Variants in PRX observed in about 807,000 individuals in gnomAD.
PRX encodes periaxin.
In PRX, 24 loss-of-function variants were observed where a neutral mutation model predicts 29.6. The ratio of observed to expected loss-of-function variants is 0.81; its 90% confidence interval spans 0.59 to 1.14. The LOEUF is 1.14. Among genes scored for constraint, PRX ranks in the 50% most tolerant of loss-of-function variants. The pLI is 0.00. For missense variants in PRX, 1,838 were observed against 1,926.4 expected (o/e 0.95, Z 0.86); for synonymous variants, 772 against 831.7 (o/e 0.93, Z 1.24).
rs372473354 is a variant in PRX, at chr19:40,396,092, G to A, written c.2260C>T (p.Arg754Trp). ...EVQLPKVSEI[R>W]LPEMQVPKVP... ...TTCGGCACTTGCATTTCCGGCAGCC[G>A]AATCTCTGACACTTTCGGCAGCTGC... Residue 754 changes from arginine (R) to tryptophan (W), a missense_variant, in exon 7 of 7, where the codon CGG becomes TGG. Coordinates refer to ENST00000324001, the MANE Select transcript of PRX (RefSeq NM_181882.3). 18 of 1,614,094 alleles carry A rather than the reference G, an allele frequency of 1.1e-5. No individual in the cohort carries two copies. The highest frequency in any genetic ancestry group is 5.3e-5 in the African/African-American group (4 of 74,936).
upstream of PRX, among the ~76,000 whole-genome samples, chr19:40,414,309 TG>T (rs2079571766): frequency 6.6e-6 from 1 of 152,050 alleles, no homozygotes; most frequent in Admixed American, 6.6e-5. Flanking sequence ...TTTTTTGTAA[TG>T]GCAAAGTTTC....
chr19:40,410,347 A>G (rs2079552911), intron 1 of PRX, among the ~76,000 whole-genome samples: 1 of 152,060 alleles, frequency 6.6e-6, no homozygotes, highest in Non-Finnish European at 1.5e-5. Flanking sequence ...GCTCAGTTGC[A>G]TTCCGCCCCT....
chr19:40,397,479 C>G lies in PRX; in HGVS notation c.873G>C (p.Gln291His), dbSNP rs2079451592. Residue 291 changes from glutamine to histidine, a missense_variant, in exon 7 of 7, where the codon CAG becomes CAC. Gln to His is a conservative substitution (Grantham distance 24). Coordinates refer to ENST00000324001, the MANE Select transcript of PRX (RefSeq NM_181882.3). ...AGGCAGGCAGCTCCACCTGGGGGAC[C>G]TGGATTCCCACGGCTGGGGCCTCCA... is the stretch of plus-strand genomic sequence containing the variant. ...PAVEAPAVGI[Q>H]VPQVELPALP... The G allele has an allele frequency of 6.4e-7, 1 of 1,568,924 alleles. No individual in the cohort carries two copies.
Position 40,413,371 on chromosome 19 carries a change from TC to T in PRX, c.-277del, listed in dbSNP as rs1301056987. 6.6e-6 allele frequency: 1 copy of T among 151,874 alleles called. No individual in the cohort carries two copies. Among genetic ancestry groups the T allele is most frequent in the African/African-American group, 2.4e-5 (1 of 41,274 alleles). 9.4% of individuals were successfully genotyped at this position (151,874 alleles called of 1,614,324 possible). On this transcript the variant is annotated 5_prime_UTR_variant, in exon 1 of 7. Transcript: ENST00000324001. ...CTCCAGACACCTCGAGAGCTCCTGG[TC>T]CCGTCTGTCAGCCCTAGCCCTAGGC...
chr19:40,399,903 C>CTTTCTTT (rs1286484666), intron 5 of PRX, among the ~76,000 whole-genome samples: 1 of 60,292 alleles, frequency 1.7e-5, no homozygotes. Flanking sequence ...TTCTTTCTTT[C>CTTTCTTT]TTTTTCTTTC....
chr19:40,394,833 T>G lies in PRX; in HGVS notation c.3519A>C (p.Thr1173=), dbSNP rs567285703. ...CTGCTGTGCCCTCTGCTGAAGGGACTGTACTCTGAGCCTGCTGCCCTGGGG... is the reference window on the plus strand; with the variant it reads ...CTGCTGTGCCCTCTGCTGAAGGGACGGTACTCTGAGCCTGCTGCCCTGGGG... ...AGTPGQQAQS[T]VPSAEGTAGY... is the part of the protein sequence containing the mutation. Residue 1173 remains threonine (T), a synonymous_variant, in exon 7 of 7, where the codon ACA becomes ACC. Transcript: ENST00000324001. This position sits in a 1 kb window ranked among gnomAD's most constrained non-coding sequence, Gnocchi z 5.8. The G allele has an allele frequency of 3.4e-5, 55 of 1,613,132 alleles. No individual in the cohort carries two copies. Among genetic ancestry groups the G allele is most frequent in the South Asian group, 2.0e-4 (18 of 91,090 alleles).
intron 4 of PRX, among the ~76,000 whole-genome samples, chr19:40,406,247 C>CAA (rs112824640): frequency 5.0e-4 from 44 of 88,800 alleles, no homozygotes; most frequent in African/African-American, 1.5e-3. Flanking sequence ...GAATCCGTCT[C>CAA]AAAAAAAAAA....
At position 40,398,673 on chromosome 19, in the gene PRX, C is replaced by T; in HGVS notation, c.328G>A (p.Gly110Arg). The T allele has an allele frequency of 1.2e-6, 2 of 1,613,968 alleles. No individual in the cohort carries two copies. The highest frequency in any genetic ancestry group is 2.2e-5 in the East Asian group (1 of 44,878). ...TTGATCTCGTAGCCAGACACGGTCC[C>T]GGGCCGCAGAGCCAGGTCCCCGGTG... ...VPTGDLALRP[G>R]TVSGYEIKGP... is the part of the protein sequence containing the mutation. The change falls in exon 6 of 7, where the codon GGG becomes AGG. Residue 110 changes from glycine (G) to arginine (R), a missense_variant. Transcript: ENST00000324001. The surrounding 1 kb of genome is among the most constrained non-coding windows in gnomAD (Gnocchi z 6.3).
intron 1 of PRX, among the ~76,000 whole-genome samples, chr19:40,412,428 G>A (rs2079562661): frequency 6.6e-6 from 1 of 152,132 alleles, no homozygotes; most frequent in Non-Finnish European, 1.5e-5. Flanking sequence ...ATTTGTGAGA[G>A]AACAGCAGGT....
chr19:40,414,588 T>C (rs547380722), upstream of PRX, among the ~76,000 whole-genome samples: 2 of 152,220 alleles, frequency 1.3e-5, no homozygotes, highest in South Asian at 4.1e-4. Context: ...TAGCAGGTCA[T>C]TGGCAGGGGT....
rs373698395 is a variant in PRX at position 40,395,586 on chromosome 19, C to T, written c.2766G>A (p.Glu922=). The T allele has an allele frequency of 6.2e-7, 1 of 1,614,098 alleles. No individual in the cohort carries two copies. Among genetic ancestry groups the T allele is most frequent in the African/African-American group, 1.3e-5 (1 of 74,938 alleles). The part of the protein sequence containing the change: ...EIEEGRLEMI[E]TKVKPSSKFS... Reference sequence around the variant, plus strand: ...ACTTGGAAGAGGGCTTGACTTTTGTCTCTATCATCTCCAGCCGCCCTTCCT... The same window carrying T: ...ACTTGGAAGAGGGCTTGACTTTTGTTTCTATCATCTCCAGCCGCCCTTCCT... The change falls in exon 7 of 7, where the codon GAG becomes GAA. Residue 922 remains glutamate (E), a synonymous_variant. Transcript: ENST00000324001.
intron 1 of PRX, among the ~76,000 whole-genome samples, chr19:40,409,779 A>G (rs2079550479): frequency 6.6e-6 from 1 of 152,120 alleles, no homozygotes; most frequent in East Asian, 1.9e-4. Context: ...TCAGGCCATT[A>G]TTATTACTAA....
In PRX at chr19:40,398,156, T is replaced by G; in HGVS notation, c.382-186A>C. On this transcript the variant is annotated intron_variant, in intron 6 of 6. Transcript: ENST00000324001. The surrounding 1 kb of genome is among the most constrained non-coding windows in gnomAD (Gnocchi z 6.3). ...GTGCCCAGGAAAGCAGGCAGCCATCTAGGATCTCCAAATGAGTCAACAGGA... is the reference window on the plus strand; with the variant it reads ...GTGCCCAGGAAAGCAGGCAGCCATCGAGGATCTCCAAATGAGTCAACAGGA... 1 of 1,432,644 alleles carries G rather than the reference T, an allele frequency of 7.0e-7. No individual in the cohort carries two copies. Among genetic ancestry groups the G allele is most frequent in the African/African-American group, 1.4e-5 (1 of 69,702 alleles). 88.7% of individuals were successfully genotyped at this position (1,432,644 alleles called of 1,614,324 possible). A position where few individuals can be genotyped will look rare whatever the true frequency, so the allele number is the denominator to read the frequency against.
chr19:40,402,435 A>G (rs1310861951), intron 5 of PRX, among the ~76,000 whole-genome samples: 2 of 152,112 alleles, frequency 1.3e-5, no homozygotes, highest in African/African-American at 2.4e-5. Flanking sequence ...TGTAGCACTT[A>G]CTGCTTTCTA....
intron 5 of PRX, among the ~76,000 whole-genome samples, chr19:40,400,980 C>T (rs1377130589): frequency 1.3e-5 from 2 of 152,188 alleles, no homozygotes; most frequent in African/African-American, 4.8e-5. Context: ...CACACCACAC[C>T]TCTCCTTTAA....
At chr19:40,404,744 ATTTTT>A (rs542849073) in intron 4 of PRX, among the ~76,000 whole-genome samples, 6 of 149,318 alleles carry the variant, frequency 4.0e-5, no homozygotes, top group African/African-American at 1.5e-4. Context: ...CTAATTTTTA[ATTTTT>A]TTTTTAAGAG....
chr19:40,397,341 C>T lies in PRX; in HGVS notation c.1011G>A (p.Leu337=). Reference sequence around the variant, plus strand: ...CCTCCACCTCTGCACCCGGCAAGGCCAGGTCCACCCCCACAGTCGGTGCTG... The same window carrying T: ...CCTCCACCTCTGCACCCGGCAAGGCTAGGTCCACCCCCACAGTCGGTGCTG... ...DVAAPTVGVD[L]ALPGAEVEAR... is the part of the protein sequence containing the mutation. Residue 337 remains leucine (L), a synonymous_variant, in exon 7 of 7, where the codon CTG becomes CTA. Coordinates refer to ENST00000324001, the MANE Select transcript of PRX (RefSeq NM_181882.3). 1 of 1,613,072 alleles carries T rather than the reference C, an allele frequency of 6.2e-7. No individual in the cohort carries two copies.
At chr19:40,403,251 C>G (rs1266712847) in intron 5 of PRX, among the ~76,000 whole-genome samples, 1 of 152,156 alleles carries the variant, frequency 6.6e-6, no homozygotes, top group Non-Finnish European at 1.5e-5. Context: ...CAGCTTCATC[C>G]ATATCCTAAA....
intron 5 of PRX, among the ~76,000 whole-genome samples, chr19:40,399,734 C>G (rs1202076165): frequency 6.6e-6 from 1 of 152,136 alleles, no homozygotes; most frequent in Non-Finnish European, 1.5e-5. Flanking sequence ...CTTTTCTAAA[C>G]AGTCTCACTA....
Sources: allele counts gnomAD v4.1 joint callset (sites outside exome capture counted in the v4.1 genomes callset), GRCh38; gene constraint gnomAD v4.1.1; non-coding constraint Gnocchi (gnomAD v3.1); transcripts MANE v1.5; gene names NCBI Gene and HGNC (gene_info 2026-07-23, HGNC 2026-07-21).